Variants in PDAP1 observed in about 807,000 individuals in gnomAD.
The protein encoded by PDAP1 is PDGFA associated protein 1.
PDAP1 carries 13 observed loss-of-function variants against 28.0 expected under a neutral mutation model. The observed-to-expected ratio is 0.46, with a 90% CI of 0.30 to 0.74. The LOEUF is 0.74. PDAP1 is among the 30% of genes least tolerant of loss of function. PDAP1 has a pLI of 0.07. For synonymous variants in PDAP1, 77 were observed against 85.1 expected (o/e 0.91, Z 0.52); for missense variants, 150 against 230.0 (o/e 0.65, Z 2.25).
At position 99,394,779 on chromosome 7, in the gene PDAP1, TAAAAAAAAAAAAA is replaced by T. The variant is rs773085531; in HGVS notation, c.*1890_*1902del. 12 of 958,258 alleles carry T rather than the reference TAAAAAAAAAAAAA, an allele frequency of 1.3e-5. No individual in the cohort carries two copies. The highest frequency in any genetic ancestry group is 1.5e-5 in the Non-Finnish European group (12 of 809,332). The allele number at this position is 958,258 out of a possible 1,614,324, so 59.4% of individuals were successfully genotyped here. A position where few individuals can be genotyped will look rare whatever the true frequency, so the allele number is the denominator to read the frequency against. On this transcript the variant is annotated 3_prime_UTR_variant, in exon 6 of 6. Transcript: ENST00000350498. Reference sequence around the variant, plus strand: ...GTGGAGGTAATAAAATGCAACTGTGTAAAAAAAAAAAAAAAAAAAAAAGTAATTATGGACATGC... The same window carrying T: ...GTGGAGGTAATAAAATGCAACTGTGTAAAAAAAAAGTAATTATGGACATGC...
intron 1 of PDAP1, among the ~76,000 whole-genome samples, chr7:99,406,767 A>C (rs1035774469): frequency 2.0e-5 from 3 of 152,066 alleles, no homozygotes; most frequent in African/African-American, 4.8e-5. Context: ...GTTGCTCTGC[A>C]CTCCAGAGGC....
Position 99,397,900 on chromosome 7 carries a change from C to T in PDAP1, c.449G>A (p.Arg150Gln), listed in dbSNP as rs761478261. 3.1e-6 allele frequency: 5 copies of T among 1,613,780 alleles called. No individual in the cohort carries two copies. The highest frequency in any genetic ancestry group is 2.2e-5 in the East Asian group (1 of 44,880). The part of the protein sequence containing the change: ...LARLAIIRKQ[R>Q]EEAARKKEEE... ...TTCCTTCTTCCGGGCAGCCTCCTCC[C>T]GCTGTTTCCGGATGATGGCCAGCCG... The change falls in exon 5 of 6, where the codon CGG becomes CAG. Residue 150 changes from arginine (R) to glutamine (Q), a missense_variant. Transcript: ENST00000350498.
Position 99,404,889 on chromosome 7 carries a change from C to G in PDAP1, c.78G>C (p.Gln26His). ...TGGCCTTCTGCTTCTCAGCCTGCAG[C>G]TGCGCGTCGATCTCCTCAGGGCTTG... ...QYTSPEEIDA[Q>H]LQAEKQKARE... Residue 26 changes from glutamine (Q) to histidine (H), a missense_variant, in exon 2 of 6, where the codon CAG becomes CAC. Transcript: ENST00000350498. 6.2e-7 allele frequency: 1 copy of G among 1,613,210 alleles called. No individual in the cohort carries two copies. Among genetic ancestry groups the G allele is most frequent in the Non-Finnish European group, 8.5e-7 (1 of 1,179,956 alleles).
At chr7:99,398,273 G>A (rs1189693500) in intron 4 of PDAP1, among the ~76,000 whole-genome samples, 1 of 152,256 alleles carries the variant, frequency 6.6e-6, no homozygotes. Flanking sequence ...AGCTACAGCA[G>A]GGAGGGGAAG....
At chr7:99,408,292 TAG>T (rs2150910154) in intron 1 of PDAP1, among the ~76,000 whole-genome samples, 1 of 151,998 alleles carries the variant, frequency 6.6e-6, no homozygotes, top group Non-Finnish European at 1.5e-5. Context: ...TCCGGCTTTC[TAG>T]GCCGGCGAGG....
intron 3 of PDAP1, among the ~76,000 whole-genome samples, chr7:99,401,855 C>A (rs1010950304): frequency 6.6e-6 from 1 of 151,796 alleles, no homozygotes; most frequent in Non-Finnish European, 1.5e-5. Context: ...TGCCACCACA[C>A]CTGGCTAATT....
At chr7:99,407,783 A>G (rs899253682) in intron 1 of PDAP1, among the ~76,000 whole-genome samples, 3 of 152,202 alleles carry the variant, frequency 2.0e-5, no homozygotes, top group Non-Finnish European at 2.9e-5. Context: ...CAGGATAGAG[A>G]ACGGGCTAGA....
intron 1 of PDAP1, chr7:99,406,444 G>T (rs1284123326): frequency 2.5e-6 from 1 of 394,628 alleles, no homozygotes; most frequent in Non-Finnish European, 3.4e-6. Context: ...CAAACCTACA[G>T]GCAAAAACTT....
intron 1 of PDAP1, among the ~76,000 whole-genome samples, chr7:99,407,034 G>A (rs1262365855): frequency 1.3e-5 from 2 of 152,130 alleles, no homozygotes; most frequent in Admixed American, 6.6e-5. Context: ...CATGCACTTG[G>A]CTATGGGACC....
chr7:99,406,415 A>C (rs933484169), intron 1 of PDAP1, among the ~76,000 whole-genome samples: 2 of 152,234 alleles, frequency 1.3e-5, no homozygotes, highest in African/African-American at 4.8e-5. Flanking sequence ...GAGAATACTT[A>C]AGGGAAAAAA....
chr7:99,400,273 C>A (rs371812388), intron 4 of PDAP1, 30 bp downstream of exon 4: 1 of 1,611,860 alleles, frequency 6.2e-7, no homozygotes, highest in Non-Finnish European at 8.5e-7. Flanking sequence ...CTGTATTCCC[C>A]GTGACACAAG....
At position 99,404,882 on chromosome 7, in the gene PDAP1, C is replaced by G. The variant is rs769742152; in HGVS notation, c.85G>C (p.Ala29Pro). Reference protein sequence around the residue: ...SPEEIDAQLQAEKQKAREEEE... With the variant: ...SPEEIDAQLQPEKQKAREEEE... ...CTCACCCTGGCCTTCTGCTTCTCAG[C>G]CTGCAGCTGCGCGTCGATCTCCTCA... is the stretch of plus-strand genomic sequence containing the variant. Residue 29 changes from alanine (A) to proline (P), a missense_variant, in exon 2 of 6, where the codon GCT becomes CCT. Coordinates refer to ENST00000350498, the MANE Select transcript of PDAP1 (RefSeq NM_014891.7). The G allele has an allele frequency of 6.2e-7, 1 of 1,612,882 alleles. No homozygotes were observed. Among genetic ancestry groups the G allele is most frequent in the Non-Finnish European group, 8.5e-7 (1 of 1,179,906 alleles).
At position 99,396,018 on chromosome 7, in the gene PDAP1, A is replaced by G. The variant is rs1794749626; in HGVS notation, c.*664T>C. On this transcript the variant is annotated 3_prime_UTR_variant, in exon 6 of 6. Transcript: ENST00000350498. Reference sequence around the variant, plus strand: ...ATGTCAAGTTTAATCTGCCAAATATACAAGTTGAATTTGTGGAGCATGTTT... The same window carrying G: ...ATGTCAAGTTTAATCTGCCAAATATGCAAGTTGAATTTGTGGAGCATGTTT... 2 of 153,056 alleles carry G rather than the reference A, an allele frequency of 1.3e-5. No homozygotes were observed. Among genetic ancestry groups the G allele is most frequent in the Non-Finnish European group, 2.9e-5 (2 of 68,336 alleles). 9.5% of individuals were successfully genotyped at this position (153,056 alleles called of 1,614,324 possible). A position where few individuals can be genotyped will look rare whatever the true frequency, so the allele number is the denominator to read the frequency against.
intron 3 of PDAP1, among the ~76,000 whole-genome samples, chr7:99,401,900 T>C (rs553151056): frequency 6.6e-6 from 1 of 152,028 alleles, no homozygotes; most frequent in East Asian, 2.0e-4. Context: ...TTTCACTGTG[T>C]TAGCCAGGAT....
chr7:99,396,545 G>C lies in PDAP1; in HGVS notation c.*137C>G, dbSNP rs1435216388. 5 of 478,890 alleles carry C rather than the reference G, an allele frequency of 1.0e-5. No homozygotes were observed. Among genetic ancestry groups the C allele is most frequent in the Non-Finnish European group, 2.1e-5 (5 of 239,102 alleles). 29.7% of individuals were successfully genotyped at this position (478,890 alleles called of 1,614,324 possible). ...CAAACAATTTCTGTGCCAAGATGAA[G>C]AGGAGGCCCCAGGCCATGGGGGGCT... is the stretch of plus-strand genomic sequence containing the variant. On this transcript the variant is annotated 3_prime_UTR_variant, in exon 6 of 6. Transcript: ENST00000350498.
intron 4 of PDAP1, 103 bp from the exon 5 acceptor site, chr7:99,398,116 TG>T: frequency 1.5e-6 from 2 of 1,326,048 alleles, no homozygotes; most frequent in East Asian, 2.3e-5. Context: ...AGGGCCGAGG[TG>T]GAAGGGGTGC....
chr7:99,400,192 T>G, intron 4 of PDAP1, 111 bp downstream of exon 4: 26 of 1,225,698 alleles, frequency 2.1e-5, no homozygotes, highest in East Asian at 1.2e-4. Flanking sequence ...CATTGGGGAA[T>G]GAGACAGAAA....
intron 5 of PDAP1, 24 bp downstream of exon 5, chr7:99,397,838 C>G (rs768554007): frequency 8.7e-6 from 14 of 1,609,846 alleles, no homozygotes; most frequent in Non-Finnish European, 1.2e-5. Context: ...GGGCCTGTCC[C>G]TGCGTGCGCA....
At chr7:99,405,944 T>C (rs2150908084) in intron 1 of PDAP1, among the ~76,000 whole-genome samples, 1 of 152,276 alleles carries the variant, frequency 6.6e-6, no homozygotes, top group East Asian at 1.9e-4. Context: ...TGCTACTGAA[T>C]AAGCACTACA....
Sources: gnomAD v4.1 joint callset for allele counts (sites outside exome capture counted in the v4.1 genomes callset) on GRCh38, gnomAD v4.1.1 for gene constraint, MANE v1.5 for transcripts, NCBI Gene and HGNC (gene_info 2026-07-23, HGNC 2026-07-21) for gene names.